The following BABAM2 variants were observed in gnomAD, a reference collection of about 807,000 sequenced individuals.
BABAM2 encodes BRISC and BRCA1 A complex member 2.
BABAM2 carries 31 observed loss-of-function variants against 54.7 expected under a neutral mutation model. The observed-to-expected ratio is 0.57, with a 90% CI of 0.43 to 0.77. BABAM2 has a LOEUF of 0.77. Among genes scored for constraint, BABAM2 ranks in the 30% least tolerant of loss-of-function variants. The pLI is 0.00. For synonymous variants in BABAM2, 167 were observed against 162.9 expected, an observed-to-expected ratio of 1.03 and a Z score of -0.19; for missense variants, 364 against 455.8, an observed-to-expected ratio of 0.80 and a Z score of 1.83.
At position 28,322,261 on chromosome 2, in the gene BABAM2, T is replaced by G. The variant is rs1690083455; in HGVS notation, c.1089-16189T>G. On this transcript the variant is annotated intron_variant, in intron 11 of 11. Coordinates refer to ENST00000379624, the MANE Select transcript of BABAM2 (RefSeq NM_199191.3). The surrounding 1 kb of genome is among the most constrained non-coding windows in gnomAD (Gnocchi z 4.1). ...TTCGGTGCACAAGTGTCCCTGAACT[T>G]CGGTGAAGTATGAGCCACCAAGCTC... is the stretch of plus-strand genomic sequence containing the variant. Among the ~76,000 whole-genome samples the G allele has an allele frequency of 6.6e-6, 1 of 152,098 alleles. No individual in the cohort carries two copies. Among genetic ancestry groups the G allele is most frequent in the South Asian group, 2.1e-4 (1 of 4,824 alleles).
At chr2:28,147,630 C>A (rs898226681) in intron 7 of BABAM2, among the ~76,000 whole-genome samples, 1 of 151,978 alleles carries the variant, frequency 6.6e-6, no homozygotes, top group Admixed American at 6.6e-5. Context: ...CCCGCCACCA[C>A]GCCCGGCTAA....
chr2:28,307,224 C>T (rs1254910316), intron 11 of BABAM2, among the ~76,000 whole-genome samples: 7 of 149,870 alleles, frequency 4.7e-5, no homozygotes, highest in Admixed American at 4.0e-4. Flanking sequence ...CCAGGCTGGT[C>T]TCAAACTCCT....
chr2:28,304,300 C>G lies in BABAM2; in HGVS notation c.1088+5809C>G, dbSNP rs1271642229. Among the ~76,000 whole-genome samples the G allele has an allele frequency of 6.6e-6, 1 of 151,958 alleles. No homozygotes were observed. The highest frequency in any genetic ancestry group is 1.5e-5 in the Non-Finnish European group (1 of 67,984). On this transcript the variant is annotated intron_variant, in intron 11 of 11. Transcript: ENST00000379624. The surrounding 1 kb of genome is among the most constrained non-coding windows in gnomAD (Gnocchi z 4.0). ...CAAACTCCTGACTTCAGGTGATCCA[C>G]CCGCCTCGGCCTCCCAAAGTGCTGG...
At chr2:28,048,820 A>AT (rs1223538920) in intron 6 of BABAM2, among the ~76,000 whole-genome samples, 1 of 152,262 alleles carries the variant, frequency 6.6e-6, no homozygotes, top group African/African-American at 2.4e-5. Flanking sequence ...AGATGGTTTT[A>AT]TAATTACATA....
intron 10 of BABAM2, among the ~76,000 whole-genome samples, chr2:28,279,014 A>G (rs983837936): frequency 6.6e-6 from 1 of 152,168 alleles, no homozygotes; most frequent in African/African-American, 2.4e-5. Flanking sequence ...GAATTTGGGG[A>G]ATTAAAAGAA....
intron 10 of BABAM2, among the ~76,000 whole-genome samples, chr2:28,294,393 A>G (rs969544802): frequency 6.6e-6 from 1 of 151,858 alleles, no homozygotes; most frequent in Admixed American, 6.6e-5. Context: ...AAAAAAAAAA[A>G]AGGAAAGAAA....
chr2:28,162,752 G>T (rs993944775), intron 7 of BABAM2, among the ~76,000 whole-genome samples: 6 of 152,160 alleles, frequency 3.9e-5, no homozygotes, highest in Admixed American at 2.6e-4. Flanking sequence ...TCACTGCATG[G>T]TTTAGTTCCA....
At chr2:27,920,583 T>C (rs1388699745) in intron 2 of BABAM2, among the ~76,000 whole-genome samples, 1 of 152,214 alleles carries the variant, frequency 6.6e-6, no homozygotes, top group Admixed American at 6.5e-5. Flanking sequence ...CATATTTTAT[T>C]TGAGAGTCAC....
At chr2:27,955,326 T>C (rs1385380239) in intron 3 of BABAM2, among the ~76,000 whole-genome samples, 1 of 152,200 alleles carries the variant, frequency 6.6e-6, no homozygotes, top group Non-Finnish European at 1.5e-5. Flanking sequence ...CTGGCATACT[T>C]TGCTAGGAAG....
chr2:28,148,944 G>A (rs1053090926), intron 7 of BABAM2, among the ~76,000 whole-genome samples: 6 of 152,136 alleles, frequency 3.9e-5, no homozygotes, highest in Non-Finnish European at 7.4e-5. Flanking sequence ...CCAGTATCAC[G>A]CAGGAAAAGC....
rs558593686 is a variant in BABAM2, at chr2:28,157,845, G to A, written c.680+28465G>A. On this transcript the variant is annotated intron_variant, in intron 7 of 11. Coordinates refer to ENST00000379624, the MANE Select transcript of BABAM2 (RefSeq NM_199191.3). Reference sequence around the variant, plus strand: ...AGGATGGTCTCAACCTCCTGACCTCGTGATCTGCCAGCCTCGGCCTCCCAA... The same window carrying A: ...AGGATGGTCTCAACCTCCTGACCTCATGATCTGCCAGCCTCGGCCTCCCAA... Among the ~76,000 whole-genome samples the A allele has an allele frequency of 3.5e-4, 54 of 152,218 alleles. No homozygotes were observed. In the East Asian group the frequency reaches 0.01, roughly 29 times the overall value.
intron 7 of BABAM2, among the ~76,000 whole-genome samples, chr2:28,197,955 G>A (rs1418759304): frequency 6.6e-6 from 1 of 152,154 alleles, no homozygotes; most frequent in Non-Finnish European, 1.5e-5. Context: ...TAGGAGACAG[G>A]AGCTAAATCC....
chr2:28,040,551 C>T (rs532329812), intron 5 of BABAM2, among the ~76,000 whole-genome samples: 4 of 152,022 alleles, frequency 2.6e-5, no homozygotes, highest in East Asian at 1.9e-4. Flanking sequence ...CCGCCCGCCT[C>T]GGCCTCCCAA....
chr2:28,251,130 T>C (rs1024054082), intron 10 of BABAM2, among the ~76,000 whole-genome samples: 2 of 152,252 alleles, frequency 1.3e-5, no homozygotes, highest in African/African-American at 2.4e-5. Flanking sequence ...AGTATTATTC[T>C]TTCTGTATTT....
At position 28,133,986 on chromosome 2, in the gene BABAM2, A is replaced by G. The variant is rs748931800; in HGVS notation, c.680+4606A>G. 1.6e-4 allele frequency among the ~76,000 whole-genome samples: 25 copies of G among 152,264 alleles called. No individual in the cohort carries two copies. In the South Asian group the frequency reaches 1.7e-3, roughly 10 times the overall value. ...GGCTGCACGCCCTTACGATGCTTAGATGCATATTGTTTACCGGTCTCCCAC... is the reference window on the plus strand; with the variant it reads ...GGCTGCACGCCCTTACGATGCTTAGGTGCATATTGTTTACCGGTCTCCCAC... On this transcript the variant is annotated intron_variant, in intron 7 of 11. Coordinates refer to ENST00000379624, the MANE Select transcript of BABAM2 (RefSeq NM_199191.3).
At chr2:28,012,125 T>C (rs183224295) in intron 4 of BABAM2, among the ~76,000 whole-genome samples, 1 of 152,314 alleles carries the variant, frequency 6.6e-6, no homozygotes, top group Non-Finnish European at 1.5e-5. Flanking sequence ...TAAAATAAGC[T>C]CACACTGTTG....
intron 3 of BABAM2, among the ~76,000 whole-genome samples, chr2:27,954,781 G>A (rs1669970727): frequency 6.6e-6 from 1 of 152,180 alleles, no homozygotes; most frequent in Non-Finnish European, 1.5e-5. Flanking sequence ...TCATGCCAAA[G>A]CATTGCCAAT....
upstream of BABAM2, among the ~76,000 whole-genome samples, chr2:27,889,622 A>G (rs764016927): frequency 1.3e-5 from 2 of 152,190 alleles, no homozygotes; most frequent in Non-Finnish European, 2.9e-5. Context: ...TCATAATTTG[A>G]TCATCGTTTT....
intron 5 of BABAM2, among the ~76,000 whole-genome samples, chr2:28,030,110 T>C (rs1193437272): frequency 6.6e-6 from 1 of 152,130 alleles, no homozygotes; most frequent in African/African-American, 2.4e-5. Flanking sequence ...ATAATAATAG[T>C]GAATTTGAAT....
Sources: gnomAD v4.1 joint callset for allele counts (sites outside exome capture counted in the v4.1 genomes callset) on GRCh38, gnomAD v4.1.1 for gene constraint, Gnocchi (gnomAD v3.1) non-coding constraint, MANE v1.5 for transcripts, NCBI Gene and HGNC (gene_info 2026-07-23, HGNC 2026-07-21) for gene names.